Variants in FKBP5 observed in about 807,000 individuals in gnomAD.
FKBP5 encodes peptidyl-prolyl cis-trans isomerase FKBP5.
FKBP5 carries 23 observed loss-of-function variants against 50.5 expected under a neutral mutation model. That is an observed-to-expected ratio of 0.46 (90% CI 0.33 to 0.65). FKBP5 has a LOEUF of 0.65. FKBP5 is among the 30% of genes least tolerant of loss of function. The pLI, the probability that FKBP5 is intolerant of heterozygous loss-of-function variation, is 0.02. For synonymous variants in FKBP5, 176 were observed against 190.6 expected (o/e 0.92, Z 0.63); for missense variants, 411 against 553.1 (o/e 0.74, Z 2.58).
chr6:35,684,769 A>G (rs1209462261), intron 1 of FKBP5, among the ~76,000 whole-genome samples: 1 of 152,172 alleles, frequency 6.6e-6, no homozygotes, highest in African/African-American at 2.4e-5. Context: ...GCTCGCACTT[A>G]TAATCCCAGC....
At position 35,642,037 on chromosome 6, in the gene FKBP5, T is replaced by TAAAAC. The variant is rs1198621327; in HGVS notation, c.105+678_105+682dup. Among the ~76,000 whole-genome samples the TAAAAC allele has an allele frequency of 2.4e-3, 341 of 144,958 alleles. 2 individuals carry two copies. In the South Asian group the frequency reaches 0.025, roughly 11 times the overall value. Reference sequence around the variant, plus strand: ...TAAAATAAAATAAAATAAAATAAAATAAAACCCCTTTGAATTTTTCAAGTT... The same window carrying TAAAAC: ...TAAAATAAAATAAAATAAAATAAAATAAAACAAAACCCCTTTGAATTTTTCAAGTT... On this transcript the variant is annotated intron_variant, in intron 2 of 10. Coordinates refer to ENST00000357266, the MANE Select transcript of FKBP5 (RefSeq NM_004117.4).
intron 1 of FKBP5, among the ~76,000 whole-genome samples, chr6:35,673,422 C>T (rs1263545469): frequency 6.6e-6 from 1 of 151,948 alleles, no homozygotes; most frequent in Non-Finnish European, 1.5e-5. Context: ...CGGTGGTGTG[C>T]ACCTTTAGTC....
chr6:35,696,447 G>A (rs1013374412), intron 2 of FKBP5, among the ~76,000 whole-genome samples: 2 of 150,930 alleles, frequency 1.3e-5, no homozygotes, highest in Non-Finnish European at 2.9e-5. Context: ...AGATGTTGGA[G>A]GCTGCAGTAA....
chr6:35,589,058 A>ATGTG (rs1272435200), intron 7 of FKBP5, among the ~76,000 whole-genome samples: 3 of 143,388 alleles, frequency 2.1e-5, no homozygotes, highest in African/African-American at 7.7e-5. Context: ...ATGTGTGTGT[A>ATGTG]TGTGTGTGTG....
chr6:35,615,059 A>AGTTGCAGCGAGCTGAG (rs1444457756), intron 5 of FKBP5, among the ~76,000 whole-genome samples: 1 of 151,480 alleles, frequency 6.6e-6, no homozygotes, highest in Non-Finnish European at 1.5e-5. Context: ...GGGAGGCGGA[A>AGTTGCAGCGAGCTGAG]GTTGCAGCGA....
At position 35,577,194 on chromosome 6, in the gene FKBP5, T is replaced by C; in HGVS notation, c.1066A>G (p.Arg356Gly). 1 of 1,613,442 alleles carries C rather than the reference T, an allele frequency of 6.2e-7. No individual in the cohort carries two copies. The highest frequency in any genetic ancestry group is 8.5e-7 in the Non-Finnish European group (1 of 1,179,546). The stretch of plus-strand genomic sequence containing the variant: ...ATGAGCAGCTGGGCTTCACCCCTCC[T>C]ATACAAGCCTTTCTCATTGGCACTG... ...LDSANEKGLY[R>G]RGEAQLLMNE... The change falls in exon 10 of 11, where the codon AGG becomes GGG. Residue 356 changes from arginine (R) to glycine (G), a missense_variant. Physicochemically the swap from Arg to Gly is moderately radical, Grantham distance 125. Coordinates refer to ENST00000357266, the MANE Select transcript of FKBP5 (RefSeq NM_004117.4).
intron 2 of FKBP5, among the ~76,000 whole-genome samples, chr6:35,640,439 T>C (rs1000235975): frequency 6.6e-6 from 1 of 152,216 alleles, no homozygotes; most frequent in African/African-American, 2.4e-5. Context: ...TGAATGGAAC[T>C]TGCAGGACTG....
At chr6:35,631,159 G>A (rs762056602) in intron 3 of FKBP5, among the ~76,000 whole-genome samples, 1 of 152,162 alleles carries the variant, frequency 6.6e-6, no homozygotes, top group African/African-American at 2.4e-5. Flanking sequence ...ACAATACTAC[G>A]TGTTAATAAG....
chr6:35,591,461 C>T (rs900841106), intron 6 of FKBP5, among the ~76,000 whole-genome samples: 39 of 152,136 alleles, frequency 2.6e-4, no homozygotes, highest in Non-Finnish European at 4.3e-4. Flanking sequence ...TAATGCAACA[C>T]CTGTACTCCT....
At chr6:35,684,484 T>C (rs993532807) in intron 1 of FKBP5, among the ~76,000 whole-genome samples, 3 of 152,174 alleles carry the variant, frequency 2.0e-5, no homozygotes, top group Admixed American at 1.3e-4. Flanking sequence ...CGCCACCTTT[T>C]TCTAAGAAGA....
intron 1 of FKBP5, among the ~76,000 whole-genome samples, chr6:35,650,663 T>A (rs1764774180): frequency 6.6e-6 from 1 of 151,890 alleles, no homozygotes. Flanking sequence ...TTAGTAGAGA[T>A]GGGGTTTCGC....
At chr6:35,581,242 TATATATAATATATATAAATATAAAC>T (rs1165856340) in intron 8 of FKBP5, 2 of 641,118 alleles carry the variant, frequency 3.1e-6, no homozygotes, top group African/African-American at 2.0e-5. Flanking sequence ...GTCTGTCAGT[TATATATAATATATATAAATATAAAC>T]ATATATAATA....
chr6:35,596,090 C>A (rs763352180), intron 6 of FKBP5, among the ~76,000 whole-genome samples: 1 of 152,048 alleles, frequency 6.6e-6, no homozygotes, highest in Non-Finnish European at 1.5e-5. Flanking sequence ...CGTGGTGGCT[C>A]ACACCTGTAA....
intron 1 of FKBP5, among the ~76,000 whole-genome samples, chr6:35,644,989 CTTA>C (rs959743632): frequency 4.6e-5 from 7 of 152,096 alleles, no homozygotes; most frequent in African/African-American, 1.7e-4. Context: ...CCACAGATTA[CTTA>C]TTATTAAAAA....
At chr6:35,576,005 C>T in intron 10 of FKBP5, 63 bp from the exon 11 acceptor site, 1 of 1,149,606 alleles carries the variant, frequency 8.7e-7, no homozygotes, top group Non-Finnish European at 1.3e-6. Context: ...TTCCTGGCTC[C>T]TCCAGACTGT....
chr6:35,575,541 A>G lies in FKBP5; in HGVS notation c.*294T>C, dbSNP rs190161400. On this transcript the variant is annotated 3_prime_UTR_variant, in exon 11 of 11. Coordinates refer to ENST00000357266, the MANE Select transcript of FKBP5 (RefSeq NM_004117.4). ...GATCTCCAGGGACCCTGAATTGGAT[A>G]CTTGAAGGTTGATAGAAACTGAAAT... 3 of 323,726 alleles carry G rather than the reference A, an allele frequency of 9.3e-6. No individual in the cohort carries two copies. Among genetic ancestry groups the G allele is most frequent in the Non-Finnish European group, 1.7e-5 (3 of 172,038 alleles). 20.1% of individuals were successfully genotyped at this position (323,726 alleles called of 1,614,324 possible).
chr6:35,670,408 T>C (rs1201187029), intron 1 of FKBP5, among the ~76,000 whole-genome samples: 33 of 152,178 alleles, frequency 2.2e-4, no homozygotes, highest in Non-Finnish European at 1.8e-4. Context: ...CAAAGCTAGA[T>C]AACTATCATA....
At chr6:35,640,298 T>G (rs1285809840) in intron 2 of FKBP5, among the ~76,000 whole-genome samples, 1 of 152,238 alleles carries the variant, frequency 6.6e-6, no homozygotes, top group Admixed American at 6.5e-5. Context: ...ATTGTGTTAC[T>G]GCACTGAATA....
intron 2 of FKBP5, among the ~76,000 whole-genome samples, chr6:35,699,848 A>T (rs555103677): frequency 6.6e-6 from 1 of 152,262 alleles, no homozygotes; most frequent in East Asian, 1.9e-4. Flanking sequence ...GGAGTTCAAG[A>T]CCGGCCTGGT....
Sources: allele counts gnomAD v4.1 joint callset (sites outside exome capture counted in the v4.1 genomes callset), GRCh38; gene constraint gnomAD v4.1.1; transcripts MANE v1.5; gene names NCBI Gene and HGNC (gene_info 2026-07-23, HGNC 2026-07-21).